TPO: variants seen among roughly 807,000 people sequenced by gnomAD.
The protein encoded by TPO is thyroid microsomal antigen.
Under a neutral mutation model 96.9 loss-of-function variants are expected in TPO, and 78 were observed. The ratio of observed to expected loss-of-function variants is 0.81; its 90% CI spans 0.67 to 0.97. The LOEUF (loss-of-function observed/expected upper bound fraction) is 0.97, where lower values mean the gene tolerates loss of function less well. TPO is among the 50% of genes least tolerant of loss of function. TPO has a pLI of 0.00. For missense variants in TPO, 1,252 were observed against 1,274.8 expected, an observed-to-expected ratio of 0.98 and a Z score of 0.27; for synonymous variants, 547 against 538.0, an observed-to-expected ratio of 1.02 and a Z score of -0.23.
intron 1 of TPO, among the ~76,000 whole-genome samples, chr2:1,392,410 A>T (rs1662016175): frequency 6.6e-6 from 1 of 152,154 alleles, no homozygotes; most frequent in African/African-American, 2.4e-5. Context: ...GTTTGCCAGT[A>T]TTTTATTGAG....
chr2:1,446,367 G>A (rs931981070), intron 5 of TPO, among the ~76,000 whole-genome samples: 2 of 152,138 alleles, frequency 1.3e-5, no homozygotes, highest in African/African-American at 2.4e-5. Context: ...AGGCATGGGC[G>A]CCTCTCTGCT....
In TPO at chr2:1,423,120, CGATGCAGAGGTGAGCCTTGCG is replaced by C; in HGVS notation, c.173_179+14del. On this transcript the variant is annotated splice_donor_variant and splice_donor_5th_base_variant and coding_sequence_variant and intron_variant, in exon 3 of 17. Coordinates refer to ENST00000329066, the MANE Select transcript of TPO (RefSeq NM_001206744.2). LOFTEE classifies it high-confidence loss of function. Reference sequence around the variant, plus strand: ...CTGGTGGACACCGCCATGTACGCCACGATGCAGAGGTGAGCCTTGCGGAGGGGCCGCCGCCCCAAATGCCAC... The same window carrying C: ...CTGGTGGACACCGCCATGTACGCCACGAGGGGCCGCCGCCCCAAATGCCAC... 6.2e-7 allele frequency: 1 copy of C among 1,613,856 alleles called. No homozygotes were observed. The highest frequency in any genetic ancestry group is 8.5e-7 in the Non-Finnish European group (1 of 1,180,034).
At chr2:1,515,519 A>G (rs1674599700) in intron 14 of TPO, among the ~76,000 whole-genome samples, 1 of 152,228 alleles carries the variant, frequency 6.6e-6, no homozygotes, top group Non-Finnish European at 1.5e-5. Context: ...TTTAGGGTTT[A>G]TTCATTCATT....
chr2:1,512,112 C>T (rs1189353650), intron 14 of TPO, among the ~76,000 whole-genome samples: 1 of 152,056 alleles, frequency 6.6e-6, no homozygotes, highest in African/African-American at 2.4e-5. Context: ...CAGCCCACTG[C>T]AAGCTCCACC....
chr2:1,477,221 G>A lies in TPO; in HGVS notation c.955G>A (p.Gly319Arg), dbSNP rs1043843717. 2 of 1,609,812 alleles carry A rather than the reference G, an allele frequency of 1.2e-6. No individual in the cohort carries two copies. Among genetic ancestry groups the A allele is most frequent in the Middle Eastern group, 1.7e-4 (1 of 6,060 alleles). The change falls in exon 8 of 17, where the codon GGG becomes AGG. Residue 319 changes from glycine (G) to arginine (R), a missense_variant. Transcript: ENST00000329066. ...GGCCAACCCGCGGCAGCAGATGAAC[G>A]GGTTGACCTCGTTCCTGGACGCGTC... Reference protein sequence around the residue: ...STANPRQQMNGLTSFLDASTV... With the variant: ...STANPRQQMNRLTSFLDASTV...
intron 5 of TPO, 120 bp downstream of exon 5, chr2:1,436,504 T>C: frequency 6.6e-7 from 1 of 1,504,576 alleles, no homozygotes; most frequent in Non-Finnish European, 9.0e-7. Flanking sequence ...GAGCCCCTGG[T>C]TCCTGTCCTT....
In TPO at chr2:1,443,989, A is replaced by G. The variant is rs545626761; in HGVS notation, c.482+7605A>G. On this transcript the variant is annotated intron_variant, in intron 5 of 16. Coordinates refer to ENST00000329066, the MANE Select transcript of TPO (RefSeq NM_001206744.2). Reference sequence around the variant, plus strand: ...ACGGGGCAGGCTCGTTCTTGTTTGTATGATCCAATCACTGCTGCAGGAGGC... The same window carrying G: ...ACGGGGCAGGCTCGTTCTTGTTTGTGTGATCCAATCACTGCTGCAGGAGGC... Among the ~76,000 whole-genome samples the G allele has an allele frequency of 6.7e-5, 9 of 134,988 alleles. No homozygotes were observed. In the East Asian group the frequency reaches 2.1e-3, roughly 32 times the overall value. 88.6% of individuals were successfully genotyped at this position (134,988 alleles called of 152,430 possible).
At chr2:1,394,026 C>T (rs1662043388) in intron 1 of TPO, among the ~76,000 whole-genome samples, 1 of 152,182 alleles carries the variant, frequency 6.6e-6, no homozygotes, top group Non-Finnish European at 1.5e-5. Context: ...ACTTAAGCCA[C>T]CTATCTCCTC....
At chr2:1,432,919 G>A (rs2148488533) in intron 3 of TPO, among the ~76,000 whole-genome samples, 1 of 152,266 alleles carries the variant, frequency 6.6e-6, no homozygotes, top group South Asian at 2.1e-4. Context: ...ATGAGGGTGT[G>A]TTTAGCTCTC....
intron 5 of TPO, among the ~76,000 whole-genome samples, chr2:1,440,213 C>T (rs145142759): frequency 6.6e-6 from 1 of 151,840 alleles, no homozygotes; most frequent in East Asian, 1.9e-4. Flanking sequence ...CCAAAGCGAC[C>T]TTTGGGTGTT....
chr2:1,477,479 G>A lies in TPO; in HGVS notation c.1213G>A (p.Ala405Thr), dbSNP rs1274067417. The A allele has an allele frequency of 6.5e-7, 1 of 1,530,152 alleles. No individual in the cohort carries two copies. The highest frequency in any genetic ancestry group is 8.7e-7 in the Non-Finnish European group (1 of 1,143,852). 94.8% of individuals were successfully genotyped at this position (1,530,152 alleles called of 1,614,324 possible). A position where few individuals can be genotyped will look rare whatever the true frequency, so the allele number is the denominator to read the frequency against. Residue 405 changes from alanine to threonine, a missense_variant, in exon 8 of 17, where the codon GCA (alanine) becomes ACA (threonine). Physicochemically the swap from Ala to Thr is moderately conservative, Grantham distance 58 (BLOSUM62 0). Transcript: ENST00000329066. ...CGCCAGCGAGGTCCCCTCCCTGACG[G>A]CACTGCACACGCTGTGGCTGCGCGA... ...GRASEVPSLT[A>T]LHTLWLREHN...
chr2:1,523,932 T>A (rs1361734438), intron 15 of TPO, among the ~76,000 whole-genome samples: 7 of 14,646 alleles, frequency 4.8e-4, no homozygotes, highest in Non-Finnish European at 7.9e-4. Flanking sequence ...AAATCCCCCC[T>A]ACTGTGTGCA....
chr2:1,530,881 TCCCCCCACTGTGTGCAACCTCCCCAAATC>T (rs1677982621), intron 15 of TPO, among the ~76,000 whole-genome samples: 1 of 17,996 alleles, frequency 5.6e-5, no homozygotes, highest in Non-Finnish European at 1.1e-4. Flanking sequence ...CCTCCGCAAA[TCCCCCCACTGTGTGCAACCTCCCCAAATC>T]CCCCCCACTC....
rs1231527922 is a variant in TPO, at chr2:1,453,677, T to TG, written c.483-16dup. ...TTCTCCCCCATCTCAAACACATCCT[T>TG]GCATTTGTCTCCACAGAGACCACCC... On this transcript the variant is annotated splice_polypyrimidine_tract_variant and intron_variant, in intron 5 of 16. Transcript: ENST00000329066. The TG allele has an allele frequency of 1.2e-6, 2 of 1,613,776 alleles. No homozygotes were observed. The highest frequency in any genetic ancestry group is 2.7e-5 in the African/African-American group (2 of 74,930).
At chr2:1,530,970 C>T (rs1276427967) in intron 15 of TPO, among the ~76,000 whole-genome samples, 42 of 127,012 alleles carry the variant, frequency 3.3e-4, no homozygotes, top group Admixed American at 6.0e-4. Flanking sequence ...CTCAAATCCC[C>T]CCAGTATGTG....
chr2:1,525,319 C>CAG (rs1676187680), intron 15 of TPO, among the ~76,000 whole-genome samples: 1 of 106,998 alleles, frequency 9.3e-6, no homozygotes, highest in African/African-American at 3.4e-5. Context: ...CCACTGTGTG[C>CAG]CTCCTCAAAT....
At chr2:1,450,625 T>A (rs1301844067) in intron 5 of TPO, among the ~76,000 whole-genome samples, 1 of 152,202 alleles carries the variant, frequency 6.6e-6, no homozygotes, top group Non-Finnish European at 1.5e-5. Flanking sequence ...TTCTCAGTCC[T>A]GCTGACCTGC....
At chr2:1,533,482 T>C (rs1171053406) in intron 15 of TPO, among the ~76,000 whole-genome samples, 1 of 12,144 alleles carries the variant, frequency 8.2e-5, no homozygotes, top group African/African-American at 4.0e-4. Flanking sequence ...TCCCCCCAAC[T>C]GTTTGGAACC....
chr2:1,442,641 A>T (rs904805969), intron 5 of TPO, among the ~76,000 whole-genome samples: 1 of 152,200 alleles, frequency 6.6e-6, no homozygotes, highest in Non-Finnish European at 1.5e-5. Context: ...TGGAAAGGAC[A>T]TTGTATTTTG....
Sources: gnomAD v4.1 joint callset for allele counts (sites outside exome capture counted in the v4.1 genomes callset) on GRCh38, gnomAD v4.1.1 for gene constraint, MANE v1.5 for transcripts, NCBI Gene and HGNC (gene_info 2026-07-23, HGNC 2026-07-21) for gene names.